The following MYOF variants were observed in gnomAD, a reference collection of about 807,000 sequenced individuals.
MYOF encodes fer-1-like 3, myoferlin.
Under a neutral mutation model 284.2 loss-of-function variants are expected in MYOF, and 244 were observed. The ratio of observed to expected loss-of-function variants is 0.86; its 90% CI spans 0.77 to 0.95. The LOEUF (loss-of-function observed/expected upper bound fraction) is 0.95, where lower values mean the gene tolerates loss of function less well. Ranked by LOEUF, MYOF falls within the 40% of genes least tolerant of loss-of-function variation. The pLI is 0.00. For synonymous variants in MYOF, 904 were observed against 919.7 expected (o/e 0.98, Z 0.31); for missense variants, 2,496 against 2,560.6 (o/e 0.97, Z 0.54).
intron 15 of MYOF, among the ~76,000 whole-genome samples, chr10:93,396,712 A>G (rs1403463131): frequency 6.6e-6 from 1 of 152,192 alleles, no homozygotes; most frequent in Non-Finnish European, 1.5e-5. Flanking sequence ...TCATGTTTCC[A>G]CTGTCAGGGA....
At chr10:93,343,445 C>T (rs1256502880) in intron 38 of MYOF, among the ~76,000 whole-genome samples, 1 of 152,196 alleles carries the variant, frequency 6.6e-6, no homozygotes, top group Non-Finnish European at 1.5e-5. Context: ...TGTTGCAATG[C>T]TATAAATTTG....
intron 29 of MYOF, among the ~76,000 whole-genome samples, chr10:93,357,361 T>C (rs1564646166): frequency 2.6e-5 from 4 of 152,174 alleles, no homozygotes; most frequent in African/African-American, 9.7e-5. Flanking sequence ...TAATAACAAA[T>C]TCGTGTGGTA....
intron 20 of MYOF, 95 bp from the exon 21 acceptor site, chr10:93,380,082 C>A: frequency 6.7e-7 from 1 of 1,481,680 alleles, no homozygotes; most frequent in South Asian, 1.3e-5. Context: ...CTGATTAATC[C>A]ACAGGCTTGG....
At chr10:93,444,502 T>C (rs1342814081) in intron 3 of MYOF, among the ~76,000 whole-genome samples, 2 of 152,200 alleles carry the variant, frequency 1.3e-5, no homozygotes, top group Admixed American at 1.3e-4. Flanking sequence ...TCACACAGAC[T>C]CCTTTTCCCA....
At chr10:93,357,070 TGACAGCACAGTCGTG>T (rs1844842221) in intron 29 of MYOF, among the ~76,000 whole-genome samples, 1 of 152,108 alleles carries the variant, frequency 6.6e-6, no homozygotes, top group Admixed American at 6.5e-5. Context: ...AACCAGGCAA[TGACAGCACAGTCGTG>T]GACATACCCT....
intron 49 of MYOF, 128 bp from the exon 50 acceptor site, chr10:93,316,941 C>A (rs1842639158): frequency 5.8e-6 from 4 of 689,230 alleles, no homozygotes; most frequent in Non-Finnish European, 1.0e-5. Context: ...GGGCCTAAAT[C>A]CTTCCACTCT....
chr10:93,360,731 G>A (rs1001606451), intron 28 of MYOF, among the ~76,000 whole-genome samples: 8 of 152,208 alleles, frequency 5.3e-5, no homozygotes, highest in African/African-American at 1.9e-4. Flanking sequence ...CTGCATCATT[G>A]CTGCATAGGA....
rs373997810 is a variant in MYOF, at chr10:93,399,430, C to G, written c.1183G>C (p.Val395Leu). The G allele has an allele frequency of 1.2e-6, 2 of 1,613,610 alleles. No individual in the cohort carries two copies. The highest frequency in any genetic ancestry group is 1.7e-6 in the Non-Finnish European group (2 of 1,179,880). The change falls in exon 13 of 54, where the codon GTG becomes CTG. Residue 395 changes from valine to leucine, a missense_variant. Physicochemically the swap from Val to Leu is conservative, Grantham distance 32. Coordinates refer to ENST00000359263, the MANE Select transcript of MYOF (RefSeq NM_013451.4). ...FGGNADKKNL[V>L]DPFVEVSFAG... ...AAGGAAACTTCTACAAAAGGATCCA[C>G]GAGATTTTTCTTATCTGCATTGCCT...
At chr10:93,337,534 C>A (rs569557184) in intron 40 of MYOF, 79 of 361,830 alleles carry the variant, frequency 2.2e-4, no homozygotes, top group Non-Finnish European at 3.1e-4. Context: ...ATCATCGTGG[C>A]CTAATTAGTG....
intron 39 of MYOF, among the ~76,000 whole-genome samples, chr10:93,339,732 G>A (rs11187388): frequency 0.33 from 50,656 of 151,778 alleles, 9,685 homozygotes; most frequent in East Asian, 0.89. Flanking sequence ...GCCTCCCAAA[G>A]TGCTGGGATT....
intron 5 of MYOF, among the ~76,000 whole-genome samples, chr10:93,411,477 G>A (rs147456019): frequency 6.6e-6 from 1 of 152,318 alleles, no homozygotes; most frequent in East Asian, 1.9e-4. Context: ...CACGTTCAGG[G>A]TTAGGATTTC....
intron 3 of MYOF, among the ~76,000 whole-genome samples, chr10:93,443,730 AACATCTGAAAACTACT>A: frequency 6.6e-6 from 1 of 152,182 alleles, no homozygotes; most frequent in Non-Finnish European, 1.5e-5. Context: ...AGCAAAGTCC[AACATCTGAAAACTACT>A]GTTGCATGTA....
At chr10:93,464,391 T>G (rs2056955843) in intron 1 of MYOF, among the ~76,000 whole-genome samples, 1 of 152,186 alleles carries the variant, frequency 6.6e-6, no homozygotes, top group African/African-American at 2.4e-5. Context: ...CTTCTGCTGC[T>G]CTGGAGAATC....
At chr10:93,385,164 C>T (rs1000497407) in intron 19 of MYOF, among the ~76,000 whole-genome samples, 1 of 152,202 alleles carries the variant, frequency 6.6e-6, no homozygotes, top group African/African-American at 2.4e-5. Context: ...AGTCCAAGAA[C>T]AGACTCTTGA....
At chr10:93,332,940 AG>A (rs895487080) in intron 43 of MYOF, among the ~76,000 whole-genome samples, 5 of 152,140 alleles carry the variant, frequency 3.3e-5, no homozygotes, top group Admixed American at 2.0e-4. Context: ...GCCAGGTGGG[AG>A]GGGGGTCCCC....
In MYOF at chr10:93,469,651, G is replaced by A. The variant is rs568274896; in HGVS notation, c.88+12456C>T. On this transcript the variant is annotated intron_variant, in intron 1 of 53. Transcript: ENST00000359263. ...CTTTGTCCAGGGAAGTTACTGCCAA[G>A]AGTAAGCAGCAGAGCCCAGATTGCC... 5.3e-5 allele frequency among the ~76,000 whole-genome samples: 8 copies of A among 152,326 alleles called. No homozygotes were observed. In the South Asian group the frequency reaches 1.7e-3, roughly 32 times the overall value.
Position 93,333,795 on chromosome 10 carries a change from C to CGAACAATGTAAATCCTAACCGTGCAT in MYOF, c.4656_4681dup (p.Arg1561HisfsTer12). 2 of 1,614,168 alleles carry CGAACAATGTAAATCCTAACCGTGCAT rather than the reference C, an allele frequency of 1.2e-6. No homozygotes were observed. Among genetic ancestry groups the CGAACAATGTAAATCCTAACCGTGCAT allele is most frequent in the Middle Eastern group, 1.6e-4 (1 of 6,062 alleles). The stretch of plus-strand genomic sequence containing the variant: ...GTCCTGGGGCTGGAGCTCTAAGCCT[C>CGAACAATGTAAATCCTAACCGTGCAT]GAACAATGTAAATCCTAACCGTGCA... On this transcript the variant is annotated frameshift_variant, in exon 42 of 54. Coordinates refer to ENST00000359263, the MANE Select transcript of MYOF (RefSeq NM_013451.4). LOFTEE classifies it high-confidence loss of function.
intron 1 of MYOF, among the ~76,000 whole-genome samples, chr10:93,472,944 A>G (rs1332420552): frequency 1.3e-5 from 2 of 152,158 alleles, no homozygotes; most frequent in African/African-American, 2.4e-5. Flanking sequence ...CAGCACTACG[A>G]CAAGTTCTCT....
chr10:93,453,824 G>A (rs2056662454), intron 2 of MYOF, among the ~76,000 whole-genome samples: 1 of 152,060 alleles, frequency 6.6e-6, no homozygotes, highest in Non-Finnish European at 1.5e-5. Flanking sequence ...AGTTATGGCT[G>A]CAGTTAGTTA....
Sources: allele counts gnomAD v4.1 joint callset (sites outside exome capture counted in the v4.1 genomes callset), GRCh38; gene constraint gnomAD v4.1.1; transcripts MANE v1.5; gene names NCBI Gene and HGNC (gene_info 2026-07-23, HGNC 2026-07-21).